Variants in IPO13 observed in about 807,000 individuals in gnomAD.
IPO13 encodes the protein importin 13, also known as importin-13.
Under a neutral mutation model 115.5 loss-of-function variants are expected in IPO13, and 28 were observed. The ratio of observed to expected loss-of-function variants is 0.24; its 90% CI spans 0.18 to 0.33. IPO13 has a LOEUF of 0.33. Ranked by LOEUF, IPO13 falls within the 10% of genes least tolerant of loss-of-function variation. The probability of loss-of-function intolerance (pLI) is 1.00; values close to 1 mark genes in which losing one functional copy is unlikely to be tolerated. For missense variants in IPO13, 785 were observed against 1,204.6 expected (o/e 0.65, Z 5.16); for synonymous variants, 414 against 478.9 (o/e 0.86, Z 1.77).
In IPO13 at chr1:43,966,175, C is replaced by T. The variant is rs2085323336; in HGVS notation, c.2398-400C>T. 1 of 270,030 alleles carries T rather than the reference C, an allele frequency of 3.7e-6. No individual in the cohort carries two copies. Among genetic ancestry groups the T allele is most frequent in the Admixed American group, 4.7e-5 (1 of 21,492 alleles). 16.7% of individuals were successfully genotyped at this position (270,030 alleles called of 1,614,324 possible). ...CCCTGTCTGGCTGCCATCTCTTCTT[C>T]CTGCTACCCTGTTCACAAACTGGGG... is the stretch of plus-strand genomic sequence containing the variant. On this transcript the variant is annotated intron_variant, in intron 15 of 19. Coordinates refer to ENST00000372343, the MANE Select transcript of IPO13 (RefSeq NM_014652.4). This position sits in a 1 kb window ranked among gnomAD's most constrained non-coding sequence, Gnocchi z 4.1.
At chr1:43,963,427 G>A (rs980397449) in intron 14 of IPO13, among the ~76,000 whole-genome samples, 3 of 152,134 alleles carry the variant, frequency 2.0e-5, no homozygotes, top group Admixed American at 6.5e-5. Context: ...TTCCTTCCTC[G>A]GGCTCTGCCT....
In IPO13 at chr1:43,957,404, C is replaced by T; in HGVS notation, c.1395C>T (p.His465=). Residue 465 remains histidine, a splice_region_variant and synonymous_variant, in exon 7 of 20, where the codon CAC becomes CAT. Coordinates refer to ENST00000372343, the MANE Select transcript of IPO13 (RefSeq NM_014652.4). ...TSSEEPYSWQ[H]TEALLYGFQS... Reference sequence around the variant, plus strand: ...CCAGTGGCACCCTCTTTCCCCAGCACACAGAGGCCCTCCTCTACGGCTTCC... The same window carrying T: ...CCAGTGGCACCCTCTTTCCCCAGCATACAGAGGCCCTCCTCTACGGCTTCC... The T allele has an allele frequency of 6.2e-7, 1 of 1,614,190 alleles. No individual in the cohort carries two copies. Among genetic ancestry groups the T allele is most frequent in the Non-Finnish European group, 8.5e-7 (1 of 1,180,026 alleles).
chr1:43,956,114 G>C lies in IPO13; in HGVS notation c.822-206G>C, dbSNP rs1028255293. ...CTGACCTTCTCATACGTCCTTCTCA[G>C]AGTTCTTCTGGGGGTCCCTGATCTA... On this transcript the variant is annotated intron_variant, in intron 2 of 19. Transcript: ENST00000372343. This position sits in a 1 kb window ranked among gnomAD's most constrained non-coding sequence, Gnocchi z 4.7. Among the ~76,000 whole-genome samples the C allele has an allele frequency of 6.6e-6, 1 of 151,974 alleles. No individual in the cohort carries two copies. The highest frequency in any genetic ancestry group is 1.5e-5 in the Non-Finnish European group (1 of 68,028).
At chr1:43,950,995 A>G (rs2154302065) in intron 2 of IPO13, among the ~76,000 whole-genome samples, 1 of 152,002 alleles carries the variant, frequency 6.6e-6, no homozygotes, top group Admixed American at 6.5e-5. Flanking sequence ...GTAGCATTTG[A>G]TATTTTGTGA....
In IPO13 at chr1:43,952,305, G is replaced by A. The variant is rs1357761927; in HGVS notation, c.821+2152G>A. ...TTGCCTCAGCCTCCAGAATAGCTGG[G>A]ATTACAGGCGTGCATCACCACGCCC... On this transcript the variant is annotated intron_variant, in intron 2 of 19. Coordinates refer to ENST00000372343, the MANE Select transcript of IPO13 (RefSeq NM_014652.4). This position sits in a 1 kb window ranked among gnomAD's most constrained non-coding sequence, Gnocchi z 4.7. 6.6e-6 allele frequency among the ~76,000 whole-genome samples: 1 copy of A among 152,142 alleles called. No individual in the cohort carries two copies. The highest frequency in any genetic ancestry group is 2.4e-5 in the African/African-American group (1 of 41,422).
Position 43,954,710 on chromosome 1 carries a change from T to G in IPO13, c.822-1610T>G, listed in dbSNP as rs570315830. Among the ~76,000 whole-genome samples, 297 of 152,316 alleles carry G rather than the reference T, an allele frequency of 1.9e-3. 1 individual carries two copies. The highest frequency in any genetic ancestry group is 6.9e-3 in the African/African-American group (286 of 41,570). On this transcript the variant is annotated intron_variant, in intron 2 of 19. Coordinates refer to ENST00000372343, the MANE Select transcript of IPO13 (RefSeq NM_014652.4). ...GTCTGTCCTTCTCCTTTAGAGATCA[T>G]TGTGTTTCAGGGCTGTGATCTGGAC...
At chr1:43,951,209 T>A (rs1365595221) in intron 2 of IPO13, among the ~76,000 whole-genome samples, 2 of 152,228 alleles carry the variant, frequency 1.3e-5, no homozygotes, top group Non-Finnish European at 2.9e-5. Context: ...TTTTGGGCCC[T>A]GTGCTGAGCT....
Position 43,967,757 on chromosome 1 carries a change from C to T in IPO13, c.*75C>T. On this transcript the variant is annotated 3_prime_UTR_variant, in exon 20 of 20. Transcript: ENST00000372343. This position sits in a 1 kb window ranked among gnomAD's most constrained non-coding sequence, Gnocchi z 6.1. ...AAAGAGTAAACCTGGACCCTCACTGCTGTCTCTGCCTCCTTTCTGCTGTCA... is the reference window on the plus strand; with the variant it reads ...AAAGAGTAAACCTGGACCCTCACTGTTGTCTCTGCCTCCTTTCTGCTGTCA... 1 of 1,328,636 alleles carries T rather than the reference C, an allele frequency of 7.5e-7. No homozygotes were observed. Among genetic ancestry groups the T allele is most frequent in the Middle Eastern group, 2.0e-4 (1 of 5,024 alleles). 82.3% of individuals were successfully genotyped at this position (1,328,636 alleles called of 1,614,324 possible).
chr1:43,947,088 G>C lies in IPO13; in HGVS notation c.-513G>C. The C allele has an allele frequency of 2.5e-6, 1 of 398,966 alleles. No homozygotes were observed. Among genetic ancestry groups the C allele is most frequent in the Non-Finnish European group, 4.4e-6 (1 of 226,324 alleles). The allele number at this position is 398,966 out of a possible 1,614,324, so 24.7% of individuals were successfully genotyped here. Reference sequence around the variant, plus strand: ...TCCACGGACTCTTCGCCCTAGACTAGCGGAGCTGCATCTCCGCGCTTCGTT... The same window carrying C: ...TCCACGGACTCTTCGCCCTAGACTACCGGAGCTGCATCTCCGCGCTTCGTT... On this transcript the variant is annotated 5_prime_UTR_variant, in exon 1 of 20. Coordinates refer to ENST00000372343, the MANE Select transcript of IPO13 (RefSeq NM_014652.4).
intron 6 of IPO13, 24 bp downstream of exon 6, chr1:43,957,339 C>T: frequency 6.2e-7 from 1 of 1,613,408 alleles, no homozygotes; most frequent in Non-Finnish European, 8.5e-7. Context: ...CTGATTCCCT[C>T]AGCCTTCCCA....
Position 43,952,326 on chromosome 1 carries a change from C to T in IPO13, c.821+2173C>T, listed in dbSNP as rs371706333. ...CTGGGATTACAGGCGTGCATCACCA[C>T]GCCCAGCTAATTTTTGTATTTTTAG... On this transcript the variant is annotated intron_variant, in intron 2 of 19. Transcript: ENST00000372343. The surrounding 1 kb of genome is among the most constrained non-coding windows in gnomAD (Gnocchi z 4.7). 6.6e-6 allele frequency among the ~76,000 whole-genome samples: 1 copy of T among 152,242 alleles called. No individual in the cohort carries two copies. The highest frequency in any genetic ancestry group is 2.4e-5 in the African/African-American group (1 of 41,544).
Position 43,947,151 on chromosome 1 carries a change from G to A in IPO13, c.-450G>A. On this transcript the variant is annotated 5_prime_UTR_variant, in exon 1 of 20. The change creates a new upstream start codon in the 5' untranslated region. Coordinates refer to ENST00000372343, the MANE Select transcript of IPO13 (RefSeq NM_014652.4). ...AACCACGAAGGGCTCTCTCTCTCCC[G>A]TGACCCTCCAGCCCCATGACCTGTT... The A allele has an allele frequency of 2.5e-6, 1 of 398,876 alleles. No individual in the cohort carries two copies. Among genetic ancestry groups the A allele is most frequent in the Non-Finnish European group, 4.4e-6 (1 of 226,284 alleles). The allele number at this position is 398,876 out of a possible 1,614,324, so 24.7% of individuals were successfully genotyped here.
At chr1:43,955,215 G>T (rs1435926793) in intron 2 of IPO13, among the ~76,000 whole-genome samples, 1 of 151,928 alleles carries the variant, frequency 6.6e-6, no homozygotes, top group Non-Finnish European at 1.5e-5. Context: ...AGGGTGGAGC[G>T]GATGGCAGGG....
At chr1:43,965,573 G>T (rs1335707594) in intron 15 of IPO13, among the ~76,000 whole-genome samples, 1 of 152,088 alleles carries the variant, frequency 6.6e-6, no homozygotes, top group Non-Finnish European at 1.5e-5. Flanking sequence ...TGCACAGGGG[G>T]ACTGTGGGAA....
chr1:43,965,070 G>A (rs1486256095), intron 15 of IPO13, among the ~76,000 whole-genome samples: 3 of 152,032 alleles, frequency 2.0e-5, no homozygotes, highest in African/African-American at 7.2e-5. Context: ...TGGATTTAGA[G>A]CGTGGACGTG....
chr1:43,962,230 C>A (rs1321340876), intron 14 of IPO13, among the ~76,000 whole-genome samples: 1 of 152,152 alleles, frequency 6.6e-6, no homozygotes, highest in African/African-American at 2.4e-5. Context: ...CCTCTCCCAA[C>A]TCCCTGTACC....
chr1:43,956,830 G>A lies in IPO13; in HGVS notation c.1125G>A (p.Glu375=). ...CTCAGGATGATATTCTATCCTTTGA[G>A]GCAGAGAAGCAGGCTGTATACCAGC... The part of the protein sequence containing the change: ...YTLQDDILSF[E]AEKQAVYQQV... The change falls in exon 5 of 20, where the codon GAG becomes GAA. Residue 375 remains glutamate (E), a synonymous_variant. Transcript: ENST00000372343. This position sits in a 1 kb window ranked among gnomAD's most constrained non-coding sequence, Gnocchi z 4.7. 1 of 1,614,232 alleles carries A rather than the reference G, an allele frequency of 6.2e-7. No individual in the cohort carries two copies. The highest frequency in any genetic ancestry group is 8.5e-7 in the Non-Finnish European group (1 of 1,180,040).
chr1:43,957,712 T>A (rs2085261031), intron 7 of IPO13, among the ~76,000 whole-genome samples, 163 bp downstream of exon 7: 1 of 152,268 alleles, frequency 6.6e-6, no homozygotes, highest in African/African-American at 2.4e-5. Flanking sequence ...GGGGTCCATC[T>A]GATGGCACAC....
At chr1:43,948,014 A>T (rs190827945) in intron 1 of IPO13, among the ~76,000 whole-genome samples, 4 of 152,360 alleles carry the variant, frequency 2.6e-5, no homozygotes, top group Admixed American at 2.6e-4. Flanking sequence ...GGAACCCAGG[A>T]GACCTGCAGC....
Sources: allele counts gnomAD v4.1 joint callset (sites outside exome capture counted in the v4.1 genomes callset), GRCh38; gene constraint gnomAD v4.1.1; non-coding constraint Gnocchi (gnomAD v3.1); transcripts MANE v1.5; gene names NCBI Gene and HGNC (gene_info 2026-07-23, HGNC 2026-07-21).